The following CNTN6 variants were observed in gnomAD, a reference collection of about 807,000 sequenced individuals.
The protein encoded by CNTN6 is contactin 6.
Under a neutral mutation model 122.8 loss-of-function variants are expected in CNTN6, and 137 were observed. The observed-to-expected ratio is 1.12, with a 90% CI of 0.97 to 1.29. The LOEUF (loss-of-function observed/expected upper bound fraction) is 1.29, where lower values mean the gene tolerates loss of function less well. CNTN6 is among the 50% of genes most tolerant of loss of function. CNTN6 has a pLI of 0.00. For synonymous variants in CNTN6, 570 were observed against 426.0 expected, an observed-to-expected ratio of 1.34 and a Z score of -4.16; for missense variants, 1,634 against 1,223.4, an observed-to-expected ratio of 1.34 and a Z score of -5.01.
Position 1,384,916 on chromosome 3 carries a change from A to T in CNTN6, c.2518-695A>T, listed in dbSNP as rs149174036. Among the ~76,000 whole-genome samples the T allele has an allele frequency of 4.6e-4, 70 of 151,306 alleles. 1 individual carries two copies. In the East Asian group the frequency reaches 0.013, roughly 29 times the overall value. The stretch of plus-strand genomic sequence containing the variant: ...CCATGCCAAGAATGCCTTACCTCTT[A>T]TCTGAACCCTAGTTACTTCTCAAAT... On this transcript the variant is annotated intron_variant, in intron 19 of 22. Coordinates refer to ENST00000446702, the MANE Select transcript of CNTN6 (RefSeq NM_001289080.2).
At chr3:1,282,602 T>C (rs1693658707) in intron 5 of CNTN6, among the ~76,000 whole-genome samples, 1 of 152,188 alleles carries the variant, frequency 6.6e-6, no homozygotes, top group Admixed American at 6.5e-5. Context: ...ATCTGTAAAA[T>C]ATTTCCGAGA....
chr3:1,366,903 A>G (rs922823222), intron 12 of CNTN6, among the ~76,000 whole-genome samples: 1 of 152,144 alleles, frequency 6.6e-6, no homozygotes, highest in Non-Finnish European at 1.5e-5. Context: ...GCTTATGTAG[A>G]GCTACTTCTT....
intron 2 of CNTN6, among the ~76,000 whole-genome samples, chr3:1,177,106 C>A (rs1190583500): frequency 1.3e-5 from 2 of 152,070 alleles, no homozygotes; most frequent in African/African-American, 4.8e-5. Flanking sequence ...AACTGGGAAC[C>A]CTTCTCCATG....
At position 1,152,335 on chromosome 3, in the gene CNTN6, C is replaced by T. The variant is rs111277752; in HGVS notation, c.55+4272C>T. Among the ~76,000 whole-genome samples the T allele has an allele frequency of 2.2e-3, 336 of 152,134 alleles. 3 individuals carry two copies. The Middle Eastern group carries it at 0.024, about 11-fold the overall frequency. On this transcript the variant is annotated intron_variant, in intron 2 of 22. Coordinates refer to ENST00000446702, the MANE Select transcript of CNTN6 (RefSeq NM_001289080.2). ...TTGTATTTTAGTAGAGACAGGGTTT[C>T]ACCATGTTGCCCAGGCTGGTCTCAA...
chr3:1,129,570 C>A (rs148125642), intron 1 of CNTN6, among the ~76,000 whole-genome samples: 4 of 152,084 alleles, frequency 2.6e-5, no homozygotes, highest in East Asian at 1.9e-4. Context: ...AATAATAATG[C>A]CTTTCTCACA....
intron 4 of CNTN6, among the ~76,000 whole-genome samples, chr3:1,242,571 G>T (rs143204719): frequency 6.6e-6 from 1 of 152,168 alleles, no homozygotes; most frequent in Non-Finnish European, 1.5e-5. Flanking sequence ...GCGGGGTAAG[G>T]GTGATTAGAT....
At chr3:1,125,315 T>A (rs1292114775) in intron 1 of CNTN6, among the ~76,000 whole-genome samples, 1 of 151,922 alleles carries the variant, frequency 6.6e-6, no homozygotes. Flanking sequence ...CAGTGTGAAT[T>A]TTTAAAACTA....
At chr3:1,094,004 TATACTG>T (rs1249400263) in intron 1 of CNTN6, among the ~76,000 whole-genome samples, 4 of 152,196 alleles carry the variant, frequency 2.6e-5, no homozygotes, top group Non-Finnish European at 4.4e-5. Context: ...AAATAGAAGT[TATACTG>T]AGAAAAAATA....
chr3:1,349,545 A>C (rs1705296425), intron 11 of CNTN6, among the ~76,000 whole-genome samples: 1 of 151,880 alleles, frequency 6.6e-6, no homozygotes, highest in South Asian at 2.1e-4. Flanking sequence ...GTCTCTCTCT[A>C]TGAATGTTAC....
At chr3:1,332,495 AAAGGAAGGAAGGAAGG>A (rs71056331) in intron 11 of CNTN6, among the ~76,000 whole-genome samples, 7 of 118,552 alleles carry the variant, frequency 5.9e-5, no homozygotes, top group African/African-American at 2.1e-4. Context: ...AGGAAGGAAA[AAAGGAAGGAAGGAAGG>A]AAGGAAGGAA....
chr3:1,251,895 G>A (rs2094677135), intron 4 of CNTN6, among the ~76,000 whole-genome samples: 1 of 152,040 alleles, frequency 6.6e-6, no homozygotes, highest in African/African-American at 2.4e-5. Context: ...CTGACTCATT[G>A]CCTAGTCCCT....
intron 2 of CNTN6, among the ~76,000 whole-genome samples, chr3:1,158,416 A>G (rs2093025961): frequency 6.6e-6 from 1 of 152,070 alleles, no homozygotes; most frequent in Non-Finnish European, 1.5e-5. Context: ...TGAGCTCCTT[A>G]TATATTCTGG....
chr3:1,390,399 G>T (rs1436039230), intron 20 of CNTN6, among the ~76,000 whole-genome samples: 2,050 of 149,032 alleles, frequency 0.014, 26 homozygotes, highest in South Asian at 0.031. Context: ...TCTCTGGGAT[G>T]CATTCAAAGC....
rs554612448 is a variant in CNTN6 at position 1,102,553 on chromosome 3, A to G, written c.-83+9433A>G. Among the ~76,000 whole-genome samples, 163 of 149,910 alleles carry G rather than the reference A, an allele frequency of 1.1e-3. 1 individual carries two copies. Among genetic ancestry groups the G allele is most frequent in the Non-Finnish European group, 1.6e-3 (106 of 67,416 alleles). The stretch of plus-strand genomic sequence containing the variant: ...AGACCATCCTGGCTAACACGGTGAA[A>G]CCCCGTCTCTACTAAAAATACAAAA... On this transcript the variant is annotated intron_variant, in intron 1 of 22. Coordinates refer to ENST00000446702, the MANE Select transcript of CNTN6 (RefSeq NM_001289080.2).
At chr3:1,236,484 A>T (rs1485823700) in intron 4 of CNTN6, among the ~76,000 whole-genome samples, 6 of 112,214 alleles carry the variant, frequency 5.3e-5, no homozygotes, top group Non-Finnish European at 1.0e-4. Flanking sequence ...AAAGCAAAGC[A>T]ATCACTACAG....
intron 4 of CNTN6, among the ~76,000 whole-genome samples, chr3:1,266,584 T>A (rs1056548352): frequency 2.6e-5 from 4 of 152,230 alleles, no homozygotes; most frequent in African/African-American, 7.2e-5. Context: ...GTATTTTACA[T>A]AGGTTGCAAA....
At chr3:1,371,670 G>C (rs979139661) in intron 12 of CNTN6, among the ~76,000 whole-genome samples, 2 of 152,064 alleles carry the variant, frequency 1.3e-5, no homozygotes, top group African/African-American at 4.8e-5. Flanking sequence ...GATTGACATA[G>C]AGAACATTTC....
chr3:1,227,408 G>A (rs140784643), intron 3 of CNTN6, among the ~76,000 whole-genome samples: 2,180 of 152,136 alleles, frequency 0.014, 30 homozygotes, highest in Non-Finnish European at 0.023. Context: ...TTCAATATAC[G>A]CTTCTTGAAT....
intron 20 of CNTN6, among the ~76,000 whole-genome samples, chr3:1,390,502 T>C (rs1350404203): frequency 6.6e-6 from 1 of 151,450 alleles, no homozygotes; most frequent in East Asian, 1.9e-4. Flanking sequence ...TTAAAAGAAC[T>C]AGAAAAGCAA....
Sources: gnomAD v4.1 joint callset for allele counts (sites outside exome capture counted in the v4.1 genomes callset) on GRCh38, gnomAD v4.1.1 for gene constraint, MANE v1.5 for transcripts, NCBI Gene and HGNC (gene_info 2026-07-23, HGNC 2026-07-21) for gene names.